BRINP3: variants seen among roughly 807,000 people sequenced by gnomAD.
BRINP3 encodes the protein BMP/retinoic acid inducible neural specific 3, also known as BMP/retinoic acid-inducible neural-specific protein 3.
In BRINP3, 19 loss-of-function variants were observed where a neutral mutation model predicts 71.0. That is an observed-to-expected ratio of 0.27 (90% confidence interval 0.19 to 0.39). The LOEUF (loss-of-function observed/expected upper bound fraction) is 0.39. Among genes scored for constraint, BRINP3 ranks in the 10% least tolerant of loss-of-function variants. The pLI, the probability that BRINP3 is intolerant of heterozygous loss-of-function variation, is 1.00. For missense variants in BRINP3, 959 were observed against 940.8 expected (o/e 1.02, Z -0.25); for synonymous variants, 380 against 337.7 (o/e 1.13, Z -1.37).
intron 7 of BRINP3, among the ~76,000 whole-genome samples, chr1:190,134,171 G>A (rs1002262625): frequency 6.6e-6 from 1 of 152,068 alleles, no homozygotes; most frequent in African/African-American, 2.4e-5. Context: ...GAGGTCTACG[G>A]TGGTTAGGGA....
intron 2 of BRINP3, among the ~76,000 whole-genome samples, chr1:190,427,992 A>G (rs1360312326): frequency 1.3e-5 from 2 of 151,254 alleles, no homozygotes; most frequent in African/African-American, 4.9e-5. Context: ...AGAATATGTG[A>G]TATTTGGTTT....
intron 3 of BRINP3, among the ~76,000 whole-genome samples, chr1:190,272,680 T>A (rs974796210): frequency 2.6e-5 from 4 of 151,408 alleles, no homozygotes; most frequent in Admixed American, 6.6e-5. Context: ...GTTTTTATAA[T>A]CAAAATATAT....
chr1:190,412,855 G>A (rs1317016773), intron 2 of BRINP3, among the ~76,000 whole-genome samples: 1 of 151,944 alleles, frequency 6.6e-6, no homozygotes, highest in Non-Finnish European at 1.5e-5. Context: ...TGGGTTAAAA[G>A]TGCATGGTAG....
At chr1:190,277,540 G>T (rs1662690729) in intron 3 of BRINP3, among the ~76,000 whole-genome samples, 2 of 151,316 alleles carry the variant, frequency 1.3e-5, no homozygotes, top group South Asian at 4.2e-4. Context: ...TTAGTGTTTT[G>T]TCTTTTAAAA....
intron 2 of BRINP3, among the ~76,000 whole-genome samples, chr1:190,431,528 T>C (rs983789328): frequency 1.3e-5 from 2 of 152,202 alleles, no homozygotes; most frequent in Admixed American, 6.5e-5. Context: ...AGATAATTTT[T>C]GTATTTTTAG....
chr1:190,374,806 A>G (rs1670085810), intron 2 of BRINP3, among the ~76,000 whole-genome samples: 1 of 152,056 alleles, frequency 6.6e-6, no homozygotes, highest in Non-Finnish European at 1.5e-5. Context: ...GAATGAGACA[A>G]ATGAAAATAA....
intron 4 of BRINP3, among the ~76,000 whole-genome samples, chr1:190,260,247 A>C (rs1661067237): frequency 2.0e-5 from 3 of 152,048 alleles, no homozygotes. Context: ...ATTATAGTTA[A>C]AAATATTGTA....
intron 3 of BRINP3, among the ~76,000 whole-genome samples, chr1:190,275,259 AT>A (rs1237356303): frequency 6.6e-6 from 1 of 151,620 alleles, no homozygotes; most frequent in Non-Finnish European, 1.5e-5. Context: ...TTTCTAAAAC[AT>A]TTTTGGTATG....
chr1:190,439,158 C>T (rs1674655522), intron 2 of BRINP3, among the ~76,000 whole-genome samples: 1 of 151,684 alleles, frequency 6.6e-6, no homozygotes, highest in African/African-American at 2.4e-5. Context: ...CAATGCAGGT[C>T]AACAGACATA....
chr1:190,271,614 C>A (rs906387743), intron 3 of BRINP3, among the ~76,000 whole-genome samples: 1 of 151,456 alleles, frequency 6.6e-6, no homozygotes, highest in Non-Finnish European at 1.5e-5. Context: ...AATTCTTTAA[C>A]CCTGTCCTAT....
intron 2 of BRINP3, among the ~76,000 whole-genome samples, chr1:190,305,069 C>T (rs1360204752): frequency 2.6e-5 from 4 of 151,702 alleles, no homozygotes; most frequent in African/African-American, 9.7e-5. Flanking sequence ...TGAGATATCA[C>T]CTCACTCCAG....
intron 6 of BRINP3, among the ~76,000 whole-genome samples, chr1:190,180,911 T>C (rs1652975622): frequency 6.6e-6 from 1 of 152,060 alleles, no homozygotes; most frequent in African/African-American, 2.4e-5. Flanking sequence ...AATGATTGTA[T>C]TTTACATCAG....
intron 6 of BRINP3, among the ~76,000 whole-genome samples, chr1:190,209,432 A>G (rs531516989): frequency 1.5e-4 from 23 of 152,200 alleles, no homozygotes; most frequent in African/African-American, 4.8e-4. Flanking sequence ...CCAGGTTCAT[A>G]AAGCCTTCCT....
intron 2 of BRINP3, among the ~76,000 whole-genome samples, chr1:190,371,087 C>T (rs934121788): frequency 6.6e-6 from 1 of 152,070 alleles, no homozygotes; most frequent in Admixed American, 6.6e-5. Context: ...CCTCTTATCA[C>T]ATCTTTGGTT....
In BRINP3 at chr1:190,245,198, T is replaced by A. The variant is rs533062083; in HGVS notation, c.619-10721A>T. ...CATAATTAGAAAGACAGAAGTGGAT[T>A]TCTTGTTTCAACTGGCCATTATAGA... On this transcript the variant is annotated intron_variant, in intron 4 of 7. Transcript: ENST00000367462. Among the ~76,000 whole-genome samples the A allele has an allele frequency of 8.6e-5, 13 of 151,860 alleles. No homozygotes were observed. In the South Asian group the frequency reaches 2.7e-3, roughly 32 times the overall value.
At chr1:190,239,668 A>C (rs1658866669) in intron 4 of BRINP3, among the ~76,000 whole-genome samples, 1 of 152,090 alleles carries the variant, frequency 6.6e-6, no homozygotes, top group Non-Finnish European at 1.5e-5. Context: ...TAATTGGTTA[A>C]TATTAATTTT....
intron 6 of BRINP3, among the ~76,000 whole-genome samples, chr1:190,165,604 C>T (rs1334600103): frequency 1.3e-5 from 2 of 151,118 alleles, no homozygotes; most frequent in African/African-American, 4.9e-5. Context: ...TCAACCAGAA[C>T]ACCCTCTAAT....
intron 6 of BRINP3, among the ~76,000 whole-genome samples, chr1:190,212,058 A>C (rs1656034382): frequency 6.6e-6 from 1 of 152,122 alleles, no homozygotes; most frequent in Non-Finnish European, 1.5e-5. Context: ...AACCATAACG[A>C]TATCATGTAA....
chr1:190,398,656 A>G (rs537109338), intron 2 of BRINP3, among the ~76,000 whole-genome samples: 14 of 152,068 alleles, frequency 9.2e-5, no homozygotes, highest in Non-Finnish European at 1.5e-5. Flanking sequence ...TAAAACTATA[A>G]CATAGCTCAA....
Sources: gnomAD v4.1 joint callset for allele counts (sites outside exome capture counted in the v4.1 genomes callset) on GRCh38, gnomAD v4.1.1 for gene constraint, MANE v1.5 for transcripts, NCBI Gene and HGNC (gene_info 2026-07-23, HGNC 2026-07-21) for gene names.